CRYZ: variants seen among roughly 807,000 people sequenced by gnomAD.
CRYZ encodes the protein crystallin zeta, also known as zeta-crystallin.
CRYZ carries 35 observed loss-of-function variants against 34.1 expected under a neutral mutation model. The observed-to-expected ratio is 1.03, with a 90% CI of 0.78 to 1.36. CRYZ has a LOEUF of 1.36. CRYZ is among the 40% of genes most tolerant of loss of function. The pLI, the probability that CRYZ is intolerant of heterozygous loss-of-function variation, is 0.00. For synonymous variants in CRYZ, 137 were observed against 136.5 expected, an observed-to-expected ratio of 1.00 and a Z score of -0.03; for missense variants, 403 against 391.8, an observed-to-expected ratio of 1.03 and a Z score of -0.24.
At chr1:74,719,453 ATAAG>A in intron 3 of CRYZ, 81 bp from the exon 4 acceptor site, 1 of 1,312,118 alleles carries the variant, frequency 7.6e-7, no homozygotes, top group Non-Finnish European at 1.0e-6. Flanking sequence ...ATAACAAGAA[ATAAG>A]TGAGTACTCA....
At chr1:74,720,937 T>C (rs1166480262) in intron 3 of CRYZ, among the ~76,000 whole-genome samples, 1 of 151,880 alleles carries the variant, frequency 6.6e-6, no homozygotes, top group Non-Finnish European at 1.5e-5. Flanking sequence ...CCACTGAAGA[T>C]AGGTACAAGA....
chr1:74,713,618 C>G (rs1227770631), intron 5 of CRYZ, among the ~76,000 whole-genome samples: 1 of 151,932 alleles, frequency 6.6e-6, no homozygotes, highest in Non-Finnish European at 1.5e-5. Context: ...AACAGAGAGA[C>G]AAAAAGGACT....
At chr1:74,715,005 A>G (rs1244498265) in intron 4 of CRYZ, among the ~76,000 whole-genome samples, 2 of 152,152 alleles carry the variant, frequency 1.3e-5, no homozygotes, top group African/African-American at 2.4e-5. Flanking sequence ...GCCTCAAAGC[A>G]GGTTTATTAT....
At chr1:74,729,014 C>G (rs1434780194) in intron 1 of CRYZ, among the ~76,000 whole-genome samples, 1 of 152,160 alleles carries the variant, frequency 6.6e-6, no homozygotes, top group Non-Finnish European at 1.5e-5. Context: ...CAGGTCTTCA[C>G]TCTAGCTCAG....
intron 2 of CRYZ, among the ~76,000 whole-genome samples, chr1:74,723,680 C>A (rs951470050): frequency 6.6e-6 from 1 of 152,140 alleles, no homozygotes; most frequent in African/African-American, 2.4e-5. Context: ...GCAGACCTGA[C>A]CCATTAAAAC....
chr1:74,717,110 T>C (rs1254934403), intron 4 of CRYZ, among the ~76,000 whole-genome samples: 2 of 152,224 alleles, frequency 1.3e-5, no homozygotes, highest in African/African-American at 4.8e-5. Context: ...TTCTAGGTTT[T>C]ACAGATGAGC....
chr1:74,709,557 C>T (rs1437875733), intron 6 of CRYZ, among the ~76,000 whole-genome samples: 1 of 152,176 alleles, frequency 6.6e-6, no homozygotes, highest in African/African-American at 2.4e-5. Context: ...TAGCAAATTG[C>T]TAATATAGTA....
At chr1:74,730,791 G>T (rs1365905549) in intron 1 of CRYZ, among the ~76,000 whole-genome samples, 1 of 152,092 alleles carries the variant, frequency 6.6e-6, no homozygotes, top group East Asian at 1.9e-4. Context: ...TTACTTCGTA[G>T]AAATAAACTT....
At chr1:74,710,590 T>A (rs2100695826) in intron 5 of CRYZ, among the ~76,000 whole-genome samples, 1 of 152,338 alleles carries the variant, frequency 6.6e-6, no homozygotes, top group Non-Finnish European at 1.5e-5. Context: ...GTTAGACCAG[T>A]CTGACTGCAG....
At chr1:74,706,521 T>TA in intron 8 of CRYZ, 64 bp from the exon 9 acceptor site, 1 of 1,419,440 alleles carries the variant, frequency 7.0e-7, no homozygotes, top group Non-Finnish European at 9.6e-7. Context: ...TCAGAAGCAT[T>TA]AAAAACACTT....
chr1:74,720,522 T>C (rs534067152), intron 3 of CRYZ, among the ~76,000 whole-genome samples: 1 of 152,118 alleles, frequency 6.6e-6, no homozygotes, highest in African/African-American at 2.4e-5. Flanking sequence ...TCCTCCTTTT[T>C]AGAAAAAAGT....
chr1:74,721,399 G>A (rs1435110721), intron 3 of CRYZ, among the ~76,000 whole-genome samples: 1 of 152,128 alleles, frequency 6.6e-6, no homozygotes, highest in Non-Finnish European at 1.5e-5. Context: ...AAAGACAGAT[G>A]GGAGAGAGCA....
chr1:74,719,376 G>A lies in CRYZ; in HGVS notation c.265-4C>T. On this transcript the variant is annotated splice_region_variant and splice_polypyrimidine_tract_variant and intron_variant, in intron 3 of 8. Coordinates refer to ENST00000340866, the MANE Select transcript of CRYZ (RefSeq NM_001889.4). ...TAGTGAAAACTCTGTCACCTTTCTA[G>A]GGGAAGAGATAAATGAATAAATGCA... The A allele has an allele frequency of 6.2e-7, 1 of 1,605,622 alleles. No individual in the cohort carries two copies. Among genetic ancestry groups the A allele is most frequent in the East Asian group, 2.2e-5 (1 of 44,736 alleles).
intron 1 of CRYZ, among the ~76,000 whole-genome samples, chr1:74,728,657 C>A (rs549457181): frequency 7.2e-5 from 11 of 152,332 alleles, no homozygotes; most frequent in Non-Finnish European, 1.2e-4. Flanking sequence ...CACATTTCCA[C>A]ATACAGCAGC....
At chr1:74,718,547 T>C (rs1356795456) in intron 4 of CRYZ, among the ~76,000 whole-genome samples, 4 of 152,130 alleles carry the variant, frequency 2.6e-5, no homozygotes, top group Non-Finnish European at 5.9e-5. Context: ...CTCTTTCTCT[T>C]GAAATCTCTT....
In CRYZ at chr1:74,732,463, G is replaced by T. The variant is rs370945985; in HGVS notation, c.-14+493C>A. On this transcript the variant is annotated intron_variant, in intron 1 of 8. Transcript: ENST00000340866. Reference sequence around the variant, plus strand: ...CCCTACAGCTGGGCTGTGGGAAGGGGCCCTACCTAGGACAAATCCTCTACA... The same window carrying T: ...CCCTACAGCTGGGCTGTGGGAAGGGTCCCTACCTAGGACAAATCCTCTACA... Among the ~76,000 whole-genome samples, 74 of 152,046 alleles carry T rather than the reference G, an allele frequency of 4.9e-4. No individual in the cohort carries two copies. In the East Asian group the frequency reaches 0.011, roughly 24 times the overall value.
chr1:74,710,734 T>C (rs17095828), intron 5 of CRYZ, among the ~76,000 whole-genome samples: 6,571 of 152,248 alleles, frequency 0.043, 462 homozygotes, highest in African/African-American at 0.15. Context: ...GTAGAAGAGA[T>C]AGGTATATGG....
intron 1 of CRYZ, 135 bp downstream of exon 1, chr1:74,732,821 G>A (rs916520907): frequency 5.7e-6 from 1 of 175,542 alleles, no homozygotes; most frequent in Non-Finnish European, 1.2e-5. Flanking sequence ...TCGGTCTGGA[G>A]CTCTACGCAC....
At chr1:74,724,089 A>C (rs942385680) in intron 2 of CRYZ, among the ~76,000 whole-genome samples, 2 of 152,166 alleles carry the variant, frequency 1.3e-5, no homozygotes, top group African/African-American at 4.8e-5. Flanking sequence ...AGGAAGTATT[A>C]AGGAAATTGG....
Sources: gnomAD v4.1 joint callset for allele counts (sites outside exome capture counted in the v4.1 genomes callset) on GRCh38, gnomAD v4.1.1 for gene constraint, MANE v1.5 for transcripts, NCBI Gene and HGNC (gene_info 2026-07-23, HGNC 2026-07-21) for gene names.